Variants in NUP153 observed in about 807,000 individuals in gnomAD.
The protein encoded by NUP153 is nucleoporin 153.
A neutral mutation model predicts 134.6 loss-of-function variants in NUP153; 27 were observed. The observed-to-expected ratio is 0.20, with a 90% confidence interval of 0.15 to 0.28. The LOEUF (loss-of-function observed/expected upper bound fraction) is 0.28. Among genes scored for constraint, NUP153 ranks in the 10% least tolerant of loss-of-function variants. The pLI is 1.00. For synonymous variants in NUP153, 640 were observed against 623.5 expected, an observed-to-expected ratio of 1.03 and a Z score of -0.40; for missense variants, 1,821 against 1,731.3, an observed-to-expected ratio of 1.05 and a Z score of -0.92.
intron 16 of NUP153, among the ~76,000 whole-genome samples, chr6:17,635,427 G>A (rs745371563): frequency 1.1e-4 from 17 of 149,956 alleles, no homozygotes; most frequent in Non-Finnish European, 2.1e-4. Flanking sequence ...TTTGAGACAG[G>A]GTCTCACTCT....
intron 11 of NUP153, among the ~76,000 whole-genome samples, chr6:17,656,801 T>G (rs1766846620): frequency 6.6e-6 from 1 of 152,200 alleles, no homozygotes; most frequent in Non-Finnish European, 1.5e-5. Context: ...GAAAAGTCCT[T>G]CGACGTGCAC....
rs1043887879 is a variant in NUP153, at chr6:17,616,772, C to T, written c.4175-77G>A. On this transcript the variant is annotated intron_variant, in intron 20 of 21. Coordinates refer to ENST00000262077, the MANE Select transcript of NUP153 (RefSeq NM_005124.4). ...TTGTTTGTTTGTTTGTTTTTTGAGACGGAGTCTCGCTCTCTTGCCCAGGCT... is the reference window on the plus strand; with the variant it reads ...TTGTTTGTTTGTTTGTTTTTTGAGATGGAGTCTCGCTCTCTTGCCCAGGCT... The T allele has an allele frequency of 1.6e-5, 22 of 1,389,642 alleles. 1 individual carries two copies. Among genetic ancestry groups the T allele is most frequent in the South Asian group, 8.9e-5 (7 of 78,456 alleles). The allele number at this position is 1,389,642 out of a possible 1,614,324, so 86.1% of individuals were successfully genotyped here.
chr6:17,691,873 G>A (rs1332135557), intron 1 of NUP153, among the ~76,000 whole-genome samples: 4 of 152,018 alleles, frequency 2.6e-5, no homozygotes, highest in African/African-American at 4.8e-5. Flanking sequence ...GCAATGGCAC[G>A]TGATCATGGC....
intron 16 of NUP153, among the ~76,000 whole-genome samples, chr6:17,635,336 C>G (rs1765495541): frequency 6.6e-6 from 1 of 152,004 alleles, no homozygotes; most frequent in Non-Finnish European, 1.5e-5. Flanking sequence ...GTCTCAATCT[C>G]CTGACCTGGT....
intron 17 of NUP153, among the ~76,000 whole-genome samples, chr6:17,630,863 T>G (rs942527173): frequency 1.9e-4 from 29 of 151,984 alleles, no homozygotes; most frequent in Non-Finnish European, 1.5e-5. Context: ...ATCAAAGTCT[T>G]GGTTTCATAA....
At position 17,641,534 on chromosome 6, in the gene NUP153, AAAAAC is replaced by A. The variant is rs563977267; in HGVS notation, c.1721-1475_1721-1471del. Among the ~76,000 whole-genome samples the A allele has an allele frequency of 1.9e-3, 292 of 152,124 alleles. 1 individual carries two copies. The highest frequency in any genetic ancestry group is 6.5e-3 in the African/African-American group (268 of 41,444). On this transcript the variant is annotated intron_variant, in intron 14 of 21. Transcript: ENST00000262077. ...TGGTGACAGAGCGAGACTCCGTCTC[AAAAAC>A]AAAACAAAACAAACAAACAAACAAA...
chr6:17,670,396 C>A (rs1410250568), intron 5 of NUP153, among the ~76,000 whole-genome samples: 4 of 152,118 alleles, frequency 2.6e-5, no homozygotes, highest in Non-Finnish European at 4.4e-5. Context: ...TATCCTGTGA[C>A]CCTGTTAAAC....
intron 13 of NUP153, among the ~76,000 whole-genome samples, chr6:17,647,112 C>T (rs923915546): frequency 1.3e-5 from 2 of 152,068 alleles, no homozygotes; most frequent in Non-Finnish European, 2.9e-5. Flanking sequence ...TGATGGATTT[C>T]AGCATGTGGC....
chr6:17,622,403 A>G (rs371305630), intron 20 of NUP153, among the ~76,000 whole-genome samples: 48 of 152,316 alleles, frequency 3.2e-4, no homozygotes, highest in Middle Eastern at 3.4e-3. Context: ...AGGTTGAGGC[A>G]GTAGTGAGCC....
Position 17,669,009 on chromosome 6 carries a change from A to C in NUP153, c.1034T>G (p.Ile345Arg). 6.5e-7 allele frequency: 1 copy of C among 1,528,372 alleles called. No individual in the cohort carries two copies. Among genetic ancestry groups the C allele is most frequent in the Middle Eastern group, 1.8e-4 (1 of 5,662 alleles). 94.7% of individuals were successfully genotyped at this position (1,528,372 alleles called of 1,614,324 possible). ...TTTGGCCTGAAAATCTGTGATATCT[A>C]TCCCACTCCTATCAAGAGGCTGAAA... ...PLNSPLDRSGIDITDFQAKRE... is the reference protein window; with the variant it reads ...PLNSPLDRSGRDITDFQAKRE... Residue 345 changes from isoleucine (I) to arginine (R), a missense_variant, in exon 8 of 22, where the codon ATA becomes AGA. Coordinates refer to ENST00000262077, the MANE Select transcript of NUP153 (RefSeq NM_005124.4).
chr6:17,666,538 A>T (rs1024200786), intron 8 of NUP153, among the ~76,000 whole-genome samples: 5 of 152,166 alleles, frequency 3.3e-5, no homozygotes, highest in Admixed American at 2.6e-4. Flanking sequence ...AAAACTAGCT[A>T]TGAAAATATT....
intron 9 of NUP153, among the ~76,000 whole-genome samples, 173 bp downstream of exon 9, chr6:17,665,066 T>A (rs970727801): frequency 1.9e-4 from 6 of 31,152 alleles, no homozygotes; most frequent in Non-Finnish European, 3.9e-4. Context: ...AAAAAAAAAA[T>A]TTGATCAAGG....
chr6:17,663,260 C>T (rs3076080), intron 9 of NUP153, among the ~76,000 whole-genome samples: 73,919 of 139,830 alleles, frequency 0.53, 19,650 homozygotes, highest in East Asian at 0.84. Context: ...CACACACACA[C>T]ATATATATAT....
chr6:17,688,236 C>A (rs1319599148), intron 2 of NUP153, among the ~76,000 whole-genome samples, 160 bp downstream of exon 2: 2 of 152,202 alleles, frequency 1.3e-5, no homozygotes, highest in East Asian at 3.8e-4. Flanking sequence ...ATAAATAAAA[C>A]ACTGATAAAT....
chr6:17,639,258 T>A (rs1765720267), intron 15 of NUP153, among the ~76,000 whole-genome samples: 1 of 152,022 alleles, frequency 6.6e-6, no homozygotes, highest in Non-Finnish European at 1.5e-5. Flanking sequence ...TTTCTCTTTT[T>A]AATAGAGATG....
chr6:17,663,742 A>T (rs543031514), intron 9 of NUP153, among the ~76,000 whole-genome samples: 1 of 152,328 alleles, frequency 6.6e-6, no homozygotes, highest in Non-Finnish European at 1.5e-5. Context: ...GAAATGAGAT[A>T]AAATATAACT....
intron 2 of NUP153, among the ~76,000 whole-genome samples, chr6:17,676,273 A>G (rs1768215903): frequency 6.6e-6 from 1 of 152,186 alleles, no homozygotes; most frequent in South Asian, 2.1e-4. Context: ...TTTATAACCT[A>G]AGGTAATCTC....
chr6:17,632,106 G>A (rs574359415), intron 17 of NUP153, among the ~76,000 whole-genome samples: 2 of 151,924 alleles, frequency 1.3e-5, no homozygotes, highest in Admixed American at 6.6e-5. Context: ...AGCCTGTATC[G>A]CTTTTAATTT....
intron 11 of NUP153, among the ~76,000 whole-genome samples, chr6:17,657,453 ACTTGGGAGG>A (rs1281450476): frequency 6.6e-6 from 1 of 151,954 alleles, no homozygotes; most frequent in African/African-American, 2.4e-5. Context: ...AATCCCAGCT[ACTTGGGAGG>A]CTGAGACATG....
Sources: allele counts gnomAD v4.1 joint callset (sites outside exome capture counted in the v4.1 genomes callset), GRCh38; gene constraint gnomAD v4.1.1; transcripts MANE v1.5; gene names NCBI Gene and HGNC (gene_info 2026-07-23, HGNC 2026-07-21).